The following TSHR variants were observed in gnomAD, a reference collection of about 807,000 sequenced individuals.
TSHR encodes the protein thyrotropin receptor.
A neutral mutation model predicts 64.1 loss-of-function variants in TSHR; 51 were observed. The ratio of observed to expected loss-of-function variants is 0.80; its 90% CI spans 0.64 to 1.01. The LOEUF (loss-of-function observed/expected upper bound fraction) is 1.01, where lower values mean the gene tolerates loss of function less well. Among genes scored for constraint, TSHR ranks in the 50% least tolerant of loss-of-function variants. The probability of loss-of-function intolerance (pLI) is 0.00; values close to 1 mark genes in which losing one functional copy is unlikely to be tolerated. For synonymous variants in TSHR, 361 were observed against 361.9 expected, an observed-to-expected ratio of 1.00 and a Z score of 0.03; for missense variants, 877 against 942.8, an observed-to-expected ratio of 0.93 and a Z score of 0.91.
intron 8 of TSHR, among the ~76,000 whole-genome samples, chr14:81,123,641 G>A (rs1170694587): frequency 6.6e-6 from 1 of 152,176 alleles, no homozygotes; most frequent in African/African-American, 2.4e-5. Context: ...GTTTTTGAGG[G>A]AGAATACAGT....
chr14:81,100,702 C>T (rs552390662), intron 7 of TSHR, among the ~76,000 whole-genome samples: 1 of 152,304 alleles, frequency 6.6e-6, no homozygotes, highest in East Asian at 1.9e-4. Context: ...CAGGGAGACA[C>T]TTTAAAGGAT....
intron 1 of TSHR, among the ~76,000 whole-genome samples, chr14:81,030,962 A>T (rs1484858605): frequency 6.6e-6 from 1 of 152,134 alleles, no homozygotes; most frequent in Non-Finnish European, 1.5e-5. Flanking sequence ...CCTTTTACAT[A>T]TAAAATCACA....
chr14:81,031,781 C>T (rs61978723), intron 1 of TSHR, among the ~76,000 whole-genome samples: 37,160 of 152,098 alleles, frequency 0.24, 4,663 homozygotes, highest in South Asian at 0.33. Flanking sequence ...GAGGCACTTA[C>T]AGGCATCACT....
chr14:81,007,834 G>A (rs773789413), intron 1 of TSHR, among the ~76,000 whole-genome samples: 1 of 152,224 alleles, frequency 6.6e-6, no homozygotes, highest in Non-Finnish European at 1.5e-5. Context: ...ACAGAACAGG[G>A]TGAGAGAGCA....
chr14:81,000,757 TAACA>T (rs1280045232), intron 1 of TSHR, among the ~76,000 whole-genome samples: 1 of 151,072 alleles, frequency 6.6e-6, no homozygotes, highest in Non-Finnish European at 1.5e-5. Flanking sequence ...TCCAATGCTT[TAACA>T]GTTTTCTAAG....
At chr14:80,963,522 C>T (rs968342177) in intron 1 of TSHR, among the ~76,000 whole-genome samples, 6 of 152,158 alleles carry the variant, frequency 3.9e-5, no homozygotes, top group African/African-American at 1.4e-4. Flanking sequence ...TTTTACATGA[C>T]ACAGGAGGCT....
intron 3 of TSHR, chr14:81,079,010 G>A (rs1887699910): frequency 6.6e-6 from 1 of 152,148 alleles, no homozygotes; most frequent in Non-Finnish European, 1.5e-5. Flanking sequence ...GTAGCCAGAG[G>A]AAGTAGCAAT....
chr14:81,028,407 T>A (rs938917095), intron 1 of TSHR, among the ~76,000 whole-genome samples: 4 of 151,942 alleles, frequency 2.6e-5, no homozygotes, highest in African/African-American at 4.8e-5. Flanking sequence ...CAAGGAATAG[T>A]TGAGCAGAGG....
At chr14:80,984,131 A>T (rs115440083) in intron 1 of TSHR, among the ~76,000 whole-genome samples, 1,861 of 152,280 alleles carry the variant, frequency 0.012, 22 homozygotes, top group Non-Finnish European at 0.018. Context: ...TACATAAAGG[A>T]GGCAGGGGTT....
intron 8 of TSHR, among the ~76,000 whole-genome samples, chr14:81,131,494 A>T (rs1208123231): frequency 6.6e-6 from 1 of 152,194 alleles, no homozygotes; most frequent in Non-Finnish European, 1.5e-5. Flanking sequence ...ACAAGGCCAC[A>T]CATGATCTGG....
intron 1 of TSHR, among the ~76,000 whole-genome samples, chr14:81,015,677 AAT>A (rs1179646025): frequency 3.3e-5 from 5 of 152,152 alleles, no homozygotes; most frequent in Non-Finnish European, 7.3e-5. Flanking sequence ...ACAAGTACAC[AAT>A]GTTATTAACT....
intron 1 of TSHR, among the ~76,000 whole-genome samples, chr14:80,967,207 T>TGC (rs1196059425): frequency 6.8e-6 from 1 of 146,346 alleles, no homozygotes; most frequent in African/African-American, 2.5e-5. Context: ...TATATATATA[T>TGC]GCTTATTTTT....
chr14:81,009,481 T>C (rs893073546), intron 1 of TSHR, among the ~76,000 whole-genome samples: 2 of 152,192 alleles, frequency 1.3e-5, no homozygotes, highest in African/African-American at 4.8e-5. Context: ...GAGTTCCTCT[T>C]TGTTTCATGT....
At chr14:81,097,120 T>C (rs1334912800) in intron 7 of TSHR, among the ~76,000 whole-genome samples, 1 of 152,176 alleles carries the variant, frequency 6.6e-6, no homozygotes, top group Non-Finnish European at 1.5e-5. Flanking sequence ...CATATCCAAC[T>C]TTTGCCTTTT....
In TSHR at chr14:81,004,256, C is replaced by A. The variant is rs1476494133; in HGVS notation, c.170+48406C>A. Among the ~76,000 whole-genome samples the A allele has an allele frequency of 2.0e-5, 3 of 152,192 alleles. No individual in the cohort carries two copies. The East Asian group carries it at 5.8e-4, about 29-fold the overall frequency. ...GCACTTCAGAGGTTGTGTACCAAAA[C>A]CCTTAAAGGCAGGGATTGTAATCTG... On this transcript the variant is annotated intron_variant, in intron 1 of 9. Coordinates refer to ENST00000298171, the MANE Select transcript of TSHR (RefSeq NM_000369.5).
At chr14:81,060,249 C>T (rs780151850) in intron 1 of TSHR, among the ~76,000 whole-genome samples, 2 of 152,086 alleles carry the variant, frequency 1.3e-5, no homozygotes, top group Non-Finnish European at 2.9e-5. Flanking sequence ...TAAACTCAAT[C>T]GCCTTGGGTG....
chr14:80,978,094 A>AACAC (rs60697218), intron 1 of TSHR, among the ~76,000 whole-genome samples: 8,330 of 146,396 alleles, frequency 0.057, 296 homozygotes, highest in East Asian at 0.14. Context: ...ACATCCCTCC[A>AACAC]ACACACACAC....
At chr14:81,087,163 T>C (rs969836985) in intron 3 of TSHR, among the ~76,000 whole-genome samples, 5 of 152,236 alleles carry the variant, frequency 3.3e-5, no homozygotes, top group Non-Finnish European at 7.3e-5. Flanking sequence ...CTGGTTCTTT[T>C]AGGTGCCACT....
chr14:81,088,431 G>A (rs374432351), intron 4 of TSHR, among the ~76,000 whole-genome samples: 22 of 152,184 alleles, frequency 1.4e-4, no homozygotes, highest in African/African-American at 4.6e-4. Flanking sequence ...ACTTCCATGG[G>A]GAGTGGAGGG....
Sources: allele counts gnomAD v4.1 joint callset (sites outside exome capture counted in the v4.1 genomes callset), GRCh38; gene constraint gnomAD v4.1.1; transcripts MANE v1.5; gene names NCBI Gene and HGNC (gene_info 2026-07-23, HGNC 2026-07-21).